Variants in RASL11B observed in about 807,000 individuals in gnomAD.
The protein encoded by RASL11B is RAS like family 11 member B, also known as ras-like protein family member 11B.
In RASL11B, 14 loss-of-function variants were observed where a neutral mutation model predicts 22.9. The ratio of observed to expected loss-of-function variants is 0.61; its 90% CI spans 0.40 to 0.96. The LOEUF is 0.96. Among genes scored for constraint, RASL11B ranks in the 40% least tolerant of loss-of-function variants. The probability of loss-of-function intolerance (pLI) is 0.00; values close to 1 mark genes in which losing one functional copy is unlikely to be tolerated. For synonymous variants in RASL11B, 143 were observed against 130.2 expected (o/e 1.10, Z -0.67); for missense variants, 261 against 322.0 (o/e 0.81, Z 1.45).
In RASL11B at chr4:52,865,835, C is replaced by T; in HGVS notation, c.*30C>T. The T allele has an allele frequency of 1.9e-6, 3 of 1,558,072 alleles. No individual in the cohort carries two copies. The highest frequency in any genetic ancestry group is 1.9e-4 in the Middle Eastern group (1 of 5,228). On this transcript the variant is annotated 3_prime_UTR_variant, in exon 4 of 4. Coordinates refer to ENST00000248706, the MANE Select transcript of RASL11B (RefSeq NM_023940.3). Reference sequence around the variant, plus strand: ...GGAGGAGCACTCAAGGGGGTTTGGTCTTCCCAGGAAGAGGGCCTGAGGTTC... The same window carrying T: ...GGAGGAGCACTCAAGGGGGTTTGGTTTTCCCAGGAAGAGGGCCTGAGGTTC...
rs1718224046 is a variant in RASL11B at position 52,864,571 on chromosome 4, C to T, written c.276+17C>T. The T allele has an allele frequency of 3.2e-6, 5 of 1,547,748 alleles. No homozygotes were observed. The highest frequency in any genetic ancestry group is 2.7e-6 in the Non-Finnish European group (3 of 1,119,678). The stretch of plus-strand genomic sequence containing the variant: ...GGTATTCAGGTGAGAAGCTCTGAGA[C>T]TCTGGGTGAAAGGGGAACCTACTTG... On this transcript the variant is annotated intron_variant, in intron 3 of 3. Coordinates refer to ENST00000248706, the MANE Select transcript of RASL11B (RefSeq NM_023940.3).
At position 52,862,530 on chromosome 4, in the gene RASL11B, G is replaced by T; in HGVS notation, c.23G>T (p.Cys8Phe). Residue 8 changes from cysteine (C) to phenylalanine (F), a missense_variant, in exon 1 of 4, where the codon TGC becomes TTC. Cys to Phe is a radical substitution (Grantham distance 205). Coordinates refer to ENST00000248706, the MANE Select transcript of RASL11B (RefSeq NM_023940.3). MRLIQNM[C>F]TIAEYPAPGN... ...GCGATGCGCCTCATTCAGAACATGT[G>T]CACCATCGCCGAGTACCCCGCGCCG... is the stretch of plus-strand genomic sequence containing the variant. 6.2e-7 allele frequency: 1 copy of T among 1,606,868 alleles called. No individual in the cohort carries two copies. The highest frequency in any genetic ancestry group is 8.5e-7 in the Non-Finnish European group (1 of 1,177,652).
intron 2 of RASL11B, chr4:52,864,012 T>G: frequency 6.1e-6 from 1 of 162,744 alleles, no homozygotes; most frequent in Non-Finnish European, 1.3e-5. Context: ...CCTTCTGATT[T>G]GATGTAGAGT....
Position 52,862,433 on chromosome 4 carries a change from C to T in RASL11B, c.-75C>T. On this transcript the variant is annotated 5_prime_UTR_variant, in exon 1 of 4. Coordinates refer to ENST00000248706, the MANE Select transcript of RASL11B (RefSeq NM_023940.3). ...CGCGGAGCCCCGCAGTCGGGTCCTC[C>T]CGCCCGCTCCCGCGCAGCGCTAGCA... The T allele has an allele frequency of 6.6e-7, 1 of 1,512,518 alleles. No homozygotes were observed. Among genetic ancestry groups the T allele is most frequent in the Non-Finnish European group, 8.9e-7 (1 of 1,126,900 alleles). The allele number at this position is 1,512,518 out of a possible 1,614,324, so 93.7% of individuals were successfully genotyped here.
In RASL11B at chr4:52,863,026, C is replaced by G. The variant is rs903897820; in HGVS notation, c.143-242C>G. On this transcript the variant is annotated intron_variant, in intron 1 of 3. Transcript: ENST00000248706. Reference sequence around the variant, plus strand: ...CTGGAAGGCTTAGGTGTGGCTCAGCCGGGCTCAGAGGAGGGGGTGGGCCCA... The same window carrying G: ...CTGGAAGGCTTAGGTGTGGCTCAGCGGGGCTCAGAGGAGGGGGTGGGCCCA... Among the ~76,000 whole-genome samples the G allele has an allele frequency of 3.3e-5, 5 of 152,096 alleles. No individual in the cohort carries two copies. The East Asian group carries it at 9.7e-4, about 29-fold the overall frequency.
Position 52,863,303 on chromosome 4 carries a change from G to A in RASL11B, c.178G>A (p.Gly60Ser). 1 of 1,613,698 alleles carries A rather than the reference G, an allele frequency of 6.2e-7. No homozygotes were observed. The highest frequency in any genetic ancestry group is 8.5e-7 in the Non-Finnish European group (1 of 1,179,850). The change falls in exon 2 of 4, where the codon GGT becomes AGT. Residue 60 changes from glycine (G) to serine (S), a missense_variant. By Grantham distance (56) the Gly-to-Ser change is moderately conservative. Coordinates refer to ENST00000248706, the MANE Select transcript of RASL11B (RefSeq NM_023940.3). ...CCGGTTCCTCACCAAACGATTCATC[G>A]GTGACTATGAAAGAAATGCAGGTGA... ...VVRFLTKRFI[G>S]DYERNAGNLY...
In RASL11B at chr4:52,863,275, G is replaced by T. The variant is rs375781512; in HGVS notation, c.150G>T (p.Val50=). Residue 50 remains valine, a synonymous_variant, in exon 2 of 4, where the codon GTG becomes GTT. Transcript: ENST00000248706. Reference sequence around the variant, plus strand: ...CTTTTTTCTGACGTGCAGCACTGGTGGTCCGGTTCCTCACCAAACGATTCA... The same window carrying T: ...CTTTTTTCTGACGTGCAGCACTGGTTGTCCGGTTCCTCACCAAACGATTCA... ...GASGVGKTAL[V]VRFLTKRFIG... is the part of the protein sequence containing the mutation. 2.4e-5 allele frequency: 38 copies of T among 1,613,552 alleles called. No homozygotes were observed. The highest frequency in any genetic ancestry group is 2.9e-5 in the Non-Finnish European group (34 of 1,179,758).
rs910439248 is a variant in RASL11B, at chr4:52,866,085, C to T, written c.*280C>T. 24 of 436,854 alleles carry T rather than the reference C, an allele frequency of 5.5e-5. No individual in the cohort carries two copies. The highest frequency in any genetic ancestry group is 1.6e-4 in the African/African-American group (8 of 51,228). The allele number at this position is 436,854 out of a possible 1,614,324, so 27.1% of individuals were successfully genotyped here. A position where few individuals can be genotyped will look rare whatever the true frequency, so the allele number is the denominator to read the frequency against. On this transcript the variant is annotated 3_prime_UTR_variant, in exon 4 of 4. Coordinates refer to ENST00000248706, the MANE Select transcript of RASL11B (RefSeq NM_023940.3). ...GAGTGGGGAGGGGGCATAATCGTTT[C>T]GGTTTCTGCATTCAACTACCTTGTA...
chr4:52,863,371 T>TGCGGTTCCCATTTTCCA lies in RASL11B; in HGVS notation c.199+51_199+67dup, dbSNP rs769244192. On this transcript the variant is annotated intron_variant, in intron 2 of 3. Coordinates refer to ENST00000248706, the MANE Select transcript of RASL11B (RefSeq NM_023940.3). ...AAATTCTGTCCCATTGCAGGAGGAC[T>TGCGGTTCCCATTTTCCA]GCGGTTCCCATTTTCCAGCGCTTCC... 112 of 1,499,772 alleles carry TGCGGTTCCCATTTTCCA rather than the reference T, an allele frequency of 7.5e-5. No homozygotes were observed. In the South Asian group the frequency reaches 1.3e-3, roughly 17 times the overall value. 92.9% of individuals were successfully genotyped at this position (1,499,772 alleles called of 1,614,324 possible). A position where few individuals can be genotyped will look rare whatever the true frequency, so the allele number is the denominator to read the frequency against.
At position 52,862,539 on chromosome 4, in the gene RASL11B, C is replaced by T; in HGVS notation, c.32C>T (p.Ala11Val). The T allele has an allele frequency of 6.2e-7, 1 of 1,606,560 alleles. No homozygotes were observed. The highest frequency in any genetic ancestry group is 1.3e-5 in the African/African-American group (1 of 74,144). The change falls in exon 1 of 4, where the codon GCC (alanine) becomes GTC (valine). Residue 11 changes from alanine to valine, a missense_variant. Physicochemically the swap from Ala to Val is moderately conservative, Grantham distance 64. Coordinates refer to ENST00000248706, the MANE Select transcript of RASL11B (RefSeq NM_023940.3). Reference protein sequence around the residue: MRLIQNMCTIAEYPAPGNAAA... With the variant: MRLIQNMCTIVEYPAPGNAAA... ...CTCATTCAGAACATGTGCACCATCG[C>T]CGAGTACCCCGCGCCGGGCAACGCC... is the stretch of plus-strand genomic sequence containing the variant.
At chr4:52,862,736 G>T (rs1009634969) in intron 1 of RASL11B, 87 bp downstream of exon 1, 28 of 1,400,342 alleles carry the variant, frequency 2.0e-5, no homozygotes, top group South Asian at 5.9e-5. Context: ...AGCGGTGGGA[G>T]CTGCAGCCCG....
rs1577781845 is a variant in RASL11B at position 52,862,349 on chromosome 4, C to T, written c.-159C>T. The T allele has an allele frequency of 7.0e-6, 5 of 712,756 alleles. No homozygotes were observed. In the East Asian group the frequency reaches 1.0e-4, roughly 15 times the overall value. 44.2% of individuals were successfully genotyped at this position (712,756 alleles called of 1,614,324 possible). ...GTCTGGAGCCTGAGCCCTGCGGAAC[C>T]TCGGCGCTCGGCCCCACCCCGCCCG... On this transcript the variant is annotated 5_prime_UTR_variant, in exon 1 of 4. Transcript: ENST00000248706.
intron 3 of RASL11B, among the ~76,000 whole-genome samples, chr4:52,865,018 C>T (rs1718231084): frequency 6.6e-6 from 1 of 152,184 alleles, no homozygotes; most frequent in Admixed American, 6.5e-5. Flanking sequence ...ATGCTTCCAG[C>T]TCCTATCTTT....
At chr4:52,863,193 C>T in intron 1 of RASL11B, 75 bp from the exon 2 acceptor site, 2 of 1,336,238 alleles carry the variant, frequency 1.5e-6, no homozygotes, top group Non-Finnish European at 2.1e-6. Context: ...GAACTGTTTT[C>T]CAGGCAGGGG....
In RASL11B at chr4:52,862,430, C is replaced by A; in HGVS notation, c.-78C>A. Reference sequence around the variant, plus strand: ...TACCGCGGAGCCCCGCAGTCGGGTCCTCCCGCCCGCTCCCGCGCAGCGCTA... The same window carrying A: ...TACCGCGGAGCCCCGCAGTCGGGTCATCCCGCCCGCTCCCGCGCAGCGCTA... On this transcript the variant is annotated 5_prime_UTR_variant, in exon 1 of 4. Coordinates refer to ENST00000248706, the MANE Select transcript of RASL11B (RefSeq NM_023940.3). The A allele has an allele frequency of 6.7e-7, 1 of 1,496,352 alleles. No homozygotes were observed. Among genetic ancestry groups the A allele is most frequent in the Admixed American group, 2.0e-5 (1 of 49,056 alleles). 92.7% of individuals were successfully genotyped at this position (1,496,352 alleles called of 1,614,324 possible).
chr4:52,862,660 GCGCTTAGC>G lies in RASL11B; in HGVS notation c.142+13_142+20del. ...GCGTGGGCAAGACCGGTGAGTCGTC[GCGCTTAGC>G]CCTGGGTCTGGTCTTGGACGACCCC... On this transcript the variant is annotated intron_variant, in intron 1 of 3. Transcript: ENST00000248706. The G allele has an allele frequency of 6.4e-7, 1 of 1,558,336 alleles. No individual in the cohort carries two copies. Among genetic ancestry groups the G allele is most frequent in the Non-Finnish European group, 8.6e-7 (1 of 1,162,060 alleles).
chr4:52,862,475 T>G lies in RASL11B; in HGVS notation c.-33T>G. The G allele has an allele frequency of 1.3e-6, 2 of 1,598,064 alleles. No homozygotes were observed. Among genetic ancestry groups the G allele is most frequent in the Non-Finnish European group, 8.5e-7 (1 of 1,173,942 alleles). On this transcript the variant is annotated 5_prime_UTR_variant, in exon 1 of 4. Transcript: ENST00000248706. ...GCGCTAGCATTCTCCAGTCCCTCAG[T>G]CCCTTCCCGCGCGGTGCGCCGCAGC... is the stretch of plus-strand genomic sequence containing the variant.
intron 2 of RASL11B, chr4:52,863,611 G>A: frequency 1.7e-5 from 6 of 349,232 alleles, no homozygotes; most frequent in South Asian, 5.0e-5. Flanking sequence ...TTGTAGTCAA[G>A]AACCTCTCCC....
In RASL11B at chr4:52,862,605, T is replaced by C. The variant is rs1460519095; in HGVS notation, c.98T>C (p.Leu33Pro). The C allele has an allele frequency of 1.3e-6, 2 of 1,597,012 alleles. No individual in the cohort carries two copies. The highest frequency in any genetic ancestry group is 1.7e-6 in the Non-Finnish European group (2 of 1,175,892). Residue 33 changes from leucine (L) to proline (P), a missense_variant, in exon 1 of 4, where the codon CTG (leucine) becomes CCG (proline). Physicochemically the swap from Leu to Pro is moderately conservative, Grantham distance 98 (BLOSUM62 -3). Transcript: ENST00000248706. ...TGTGTGGGCGCCGCCGGCCGCCGCC[T>C]GGTCAAGATCGCCGTGGTGGGCGCC... The part of the protein sequence containing the change: ...DCCVGAAGRR[L>P]VKIAVVGASG...
Sources: allele counts gnomAD v4.1 joint callset (sites outside exome capture counted in the v4.1 genomes callset), GRCh38; gene constraint gnomAD v4.1.1; transcripts MANE v1.5; gene names NCBI Gene and HGNC (gene_info 2026-07-23, HGNC 2026-07-21).